Variants in MPZ observed in about 807,000 individuals in gnomAD.
MPZ encodes the protein myelin protein zero.
MPZ carries 13 observed loss-of-function variants against 27.9 expected under a neutral mutation model. That is an observed-to-expected ratio of 0.47 (90% CI 0.30 to 0.74). The LOEUF is 0.74. MPZ is among the 30% of genes least tolerant of loss of function. The pLI is 0.06. For synonymous variants in MPZ, 118 were observed against 128.9 expected, an observed-to-expected ratio of 0.92 and a Z score of 0.57; for missense variants, 256 against 317.5, an observed-to-expected ratio of 0.81 and a Z score of 1.47.
At chr1:161,304,324 T>C (rs1670177141), downstream of MPZ, among the ~76,000 whole-genome samples, 1 of 152,228 alleles carries the variant, frequency 6.6e-6, no homozygotes, top group Non-Finnish European at 1.5e-5. Context: ...AGGATCTCAT[T>C]TGATTATTAT....
chr1:161,304,013 C>G (rs865836634), downstream of MPZ, among the ~76,000 whole-genome samples: 4 of 152,218 alleles, frequency 2.6e-5, no homozygotes, highest in Middle Eastern at 3.4e-3. Context: ...CAGTAATCCC[C>G]AGGGGAAAAT....
Position 161,307,253 on chromosome 1 carries a change from C to G in MPZ, c.234+5G>C. 1 of 1,614,260 alleles carries G rather than the reference C, an allele frequency of 6.2e-7. No individual in the cohort carries two copies. The highest frequency in any genetic ancestry group is 8.5e-7 in the Non-Finnish European group (1 of 1,180,056). On this transcript the variant is annotated splice_donor_5th_base_variant and intron_variant, in intron 2 of 5. Transcript: ENST00000533357. ...TCCAACCCCAGGATTCCCCCAGGCA[C>G]TCACCGAAATGGCATCTCTGCCCCC...
chr1:161,305,489 G>A lies in MPZ; in HGVS notation c.*387C>T, dbSNP rs1670210350. On this transcript the variant is annotated 3_prime_UTR_variant, in exon 6 of 6. Transcript: ENST00000533357. ...AGGTGAGGGGTAGGATTAGCTCCTG[G>A]GCTCCCAGAAAGCCAGGGGTGAAGG... 4.3e-6 allele frequency: 1 copy of A among 233,144 alleles called. No individual in the cohort carries two copies. Among genetic ancestry groups the A allele is most frequent in the African/African-American group, 2.3e-5 (1 of 43,524 alleles). The allele number at this position is 233,144 out of a possible 1,614,324, so 14.4% of individuals were successfully genotyped here.
In MPZ at chr1:161,306,800, T is replaced by C. The variant is rs879254038; in HGVS notation, c.356A>G (p.Tyr119Cys). ...DGSIVIHNLD[Y>C]SDNGTFTCDV... ...ACAAGTGAACGTGCCATTGTCACTGTAGTCTAGGTTGTGTATGACAATGGA... is the reference window on the plus strand; with the variant it reads ...ACAAGTGAACGTGCCATTGTCACTGCAGTCTAGGTTGTGTATGACAATGGA... Residue 119 changes from tyrosine to cysteine, a missense_variant, in exon 3 of 6, where the codon TAC (tyrosine) becomes TGC (cysteine). Tyr to Cys is a radical substitution (Grantham distance 194). Transcript: ENST00000533357. 4 of 1,614,034 alleles carry C rather than the reference T, an allele frequency of 2.5e-6. No individual in the cohort carries two copies. The highest frequency in any genetic ancestry group is 3.4e-6 in the Non-Finnish European group (4 of 1,179,996).
chr1:161,309,700 T>C (rs188755467), intron 1 of MPZ, 139 bp downstream of exon 1: 332 of 779,856 alleles, frequency 4.3e-4, no homozygotes, highest in Admixed American at 7.3e-4. Flanking sequence ...CCGCATATTT[T>C]TTCTTTCTGA....
chr1:161,306,937 G>A lies in MPZ; in HGVS notation c.235-16C>T. 6.3e-7 allele frequency: 1 copy of A among 1,591,782 alleles called. No individual in the cohort carries two copies. Among genetic ancestry groups the A allele is most frequent in the Non-Finnish European group, 8.6e-7 (1 of 1,162,840 alleles). The stretch of plus-strand genomic sequence containing the variant: ...AGTGGAAGATCTATGAGGAATGAGG[G>A]GAAGCATGTGAGAGGACCCTAATGA... On this transcript the variant is annotated splice_polypyrimidine_tract_variant and intron_variant, in intron 2 of 5. Coordinates refer to ENST00000533357, the MANE Select transcript of MPZ (RefSeq NM_000530.8).
intron 1 of MPZ, among the ~76,000 whole-genome samples, chr1:161,309,158 A>G (rs2102261713): frequency 6.6e-6 from 1 of 152,334 alleles, no homozygotes; most frequent in South Asian, 2.1e-4. Flanking sequence ...CCAGAATCTC[A>G]TAGAACCTCA....
Position 161,305,996 on chromosome 1 carries a change from C to A in MPZ, c.646-19G>T. The A allele has an allele frequency of 1.9e-6, 3 of 1,612,074 alleles. No homozygotes were observed. Among genetic ancestry groups the A allele is most frequent in the Non-Finnish European group, 2.5e-6 (3 of 1,178,180 alleles). On this transcript the variant is annotated intron_variant, in intron 5 of 5. Transcript: ENST00000533357. ...CTGGCGTCTGGGGGAGGGGCGCACA[C>A]ATCAGTCACCGAGCGACTGGGGCTT...
chr1:161,305,237 G>A lies in MPZ; in HGVS notation c.*639C>T. On this transcript the variant is annotated 3_prime_UTR_variant, in exon 6 of 6. Transcript: ENST00000533357. Reference sequence around the variant, plus strand: ...AATAATAACCTAAATAAACCCTGAAGGAGAGTCTGATCTGGGTGCTCTGGG... The same window carrying A: ...AATAATAACCTAAATAAACCCTGAAAGAGAGTCTGATCTGGGTGCTCTGGG... The A allele has an allele frequency of 6.5e-6, 1 of 153,250 alleles. No homozygotes were observed. The highest frequency in any genetic ancestry group is 1.9e-4 in the East Asian group (1 of 5,290). 9.5% of individuals were successfully genotyped at this position (153,250 alleles called of 1,614,324 possible). A position where few individuals can be genotyped will look rare whatever the true frequency, so the allele number is the denominator to read the frequency against.
At position 161,305,456 on chromosome 1, in the gene MPZ, C is replaced by A; in HGVS notation, c.*420G>T. On this transcript the variant is annotated 3_prime_UTR_variant, in exon 6 of 6. Transcript: ENST00000533357. The stretch of plus-strand genomic sequence containing the variant: ...GTGGACAGGCACCAAACACACAGCC[C>A]CCGGGGCAGGTGAGGGGTAGGATTA... 5.0e-6 allele frequency: 1 copy of A among 199,628 alleles called. No homozygotes were observed. The highest frequency in any genetic ancestry group is 1.0e-5 in the Non-Finnish European group (1 of 95,698). The allele number at this position is 199,628 out of a possible 1,614,324, so 12.4% of individuals were successfully genotyped here.
intron 1 of MPZ, among the ~76,000 whole-genome samples, chr1:161,309,552 A>ATATATATATATTTTTTT: frequency 1.6e-4 from 13 of 80,636 alleles, no homozygotes; most frequent in African/African-American, 6.9e-4. Flanking sequence ...ATATATATAT[A>ATATATATATATTTTTTT]TTTTTTTTTT....
At chr1:161,309,546 A>ATTT (rs1558155591) in intron 1 of MPZ, among the ~76,000 whole-genome samples, 1 of 74,826 alleles carries the variant, frequency 1.3e-5, no homozygotes, top group African/African-American at 6.5e-5. Context: ...ATATATATAT[A>ATTT]TATATATTTT....
At chr1:161,309,552 A>ATTTTTTTTT (rs1215409194) in intron 1 of MPZ, among the ~76,000 whole-genome samples, 3 of 80,634 alleles carry the variant, frequency 3.7e-5, no homozygotes, top group Admixed American at 1.3e-4. Context: ...ATATATATAT[A>ATTTTTTTTT]TTTTTTTTTT....
At chr1:161,307,014 C>CAAAAACA in intron 2 of MPZ, 93 bp from the exon 3 acceptor site, 1 of 230,386 alleles carries the variant, frequency 4.3e-6, no homozygotes, top group South Asian at 2.8e-5. Flanking sequence ...AAGAAAAAAG[C>CAAAAACA]AAAAAAAAAA....
chr1:161,307,842 CAA>C lies in MPZ; in HGVS notation c.68-420_68-419del, dbSNP rs543184159. Among the ~76,000 whole-genome samples the C allele has an allele frequency of 2.7e-3, 413 of 152,256 alleles. 4 individuals carry two copies. Among genetic ancestry groups the C allele is most frequent in the Middle Eastern group, 0.01 (3 of 294 alleles). ...AACTATTCAAGCAATAGAAATAAAA[CAA>C]AAGTCTCCTTTGACACTTAGCCCAA... On this transcript the variant is annotated intron_variant, in intron 1 of 5. Transcript: ENST00000533357.
rs755728895 is a variant in MPZ at position 161,305,975 on chromosome 1, C to A, written c.648G>T (p.Thr216=). The A allele has an allele frequency of 6.2e-7, 1 of 1,613,914 alleles. No homozygotes were observed. The highest frequency in any genetic ancestry group is 1.7e-5 in the Admixed American group (1 of 60,008). ...GGTCCAGCATTGCATACAGCACTGG[C>A]GTCTGGGGGAGGGGCGCACACATCA... ...GKDASKRGRQ[T]PVLYAMLDHS... Residue 216 remains threonine, a splice_region_variant and synonymous_variant, in exon 6 of 6, where the codon ACG becomes ACT. Transcript: ENST00000533357.
At chr1:161,306,283 G>A (rs752812221) in intron 4 of MPZ, 46 bp downstream of exon 4, 1 of 1,613,590 alleles carries the variant, frequency 6.2e-7, no homozygotes, top group East Asian at 2.2e-5. Flanking sequence ...CGCCCAGATG[G>A]GGGATAGTGG....
chr1:161,303,658 A>T (rs1440623804), downstream of MPZ, among the ~76,000 whole-genome samples: 1 of 152,190 alleles, frequency 6.6e-6, no homozygotes, highest in African/African-American at 2.4e-5. Context: ...CTCTCCTGAC[A>T]GTCTGGGAAG....
chr1:161,307,014 C>CAAAAAA lies in MPZ; in HGVS notation c.235-99_235-94dup, dbSNP rs34621933. The CAAAAAA allele has an allele frequency of 1.2e-3, 274 of 232,414 alleles. 1 individual carries two copies. Among genetic ancestry groups the CAAAAAA allele is most frequent in the South Asian group, 2.1e-3 (74 of 35,228 alleles). The allele number at this position is 232,414 out of a possible 1,614,324, so 14.4% of individuals were successfully genotyped here. A position where few individuals can be genotyped will look rare whatever the true frequency, so the allele number is the denominator to read the frequency against. ...ATAATTTGTTACAGAAAGAAAAAAG[C>CAAAAAA]AAAAAAAAAAAAAAAAAAAAAAAAG... On this transcript the variant is annotated intron_variant, in intron 2 of 5. Transcript: ENST00000533357.
Sources: gnomAD v4.1 joint callset for allele counts (sites outside exome capture counted in the v4.1 genomes callset) on GRCh38, gnomAD v4.1.1 for gene constraint, MANE v1.5 for transcripts, NCBI Gene and HGNC (gene_info 2026-07-23, HGNC 2026-07-21) for gene names.